ESRRG: variants seen among roughly 807,000 people sequenced by gnomAD.
ESRRG encodes estrogen related receptor gamma, also known as estrogen-related receptor gamma.
Under a neutral mutation model 44.0 loss-of-function variants are expected in ESRRG, and 13 were observed. The observed-to-expected ratio is 0.30, with a 90% CI of 0.19 to 0.47. The LOEUF (loss-of-function observed/expected upper bound fraction) is 0.47. ESRRG is among the 20% of genes least tolerant of loss of function. ESRRG has a pLI of 1.00. For synonymous variants in ESRRG, 215 were observed against 214.6 expected, an observed-to-expected ratio of 1.00 and a Z score of -0.02; for missense variants, 395 against 580.6, an observed-to-expected ratio of 0.68 and a Z score of 3.29.
intron 5 of ESRRG, among the ~76,000 whole-genome samples, chr1:216,529,237 GA>G (rs1301307487): frequency 6.6e-6 from 1 of 152,142 alleles, no homozygotes; most frequent in Non-Finnish European, 1.5e-5. Flanking sequence ...GGACTTTGAG[GA>G]AATGAAGCAG....
chr1:216,888,662 A>G (rs2057372689), intron 2 of ESRRG, among the ~76,000 whole-genome samples: 1 of 152,180 alleles, frequency 6.6e-6, no homozygotes, highest in Admixed American at 6.5e-5. Flanking sequence ...AATATTCTTT[A>G]TCTAGTTCCT....
intron 2 of ESRRG, among the ~76,000 whole-genome samples, chr1:216,666,477 G>C (rs1363702082): frequency 1.3e-5 from 2 of 152,196 alleles, no homozygotes; most frequent in South Asian, 2.1e-4. Flanking sequence ...TATTCTAGCA[G>C]GGTCTGAAGC....
intron 2 of ESRRG, among the ~76,000 whole-genome samples, chr1:216,757,783 T>C (rs2092543683): frequency 1.3e-5 from 2 of 151,814 alleles, no homozygotes; most frequent in Admixed American, 1.3e-4. Flanking sequence ...GCCACAGATA[T>C]CTGTACACAG....
chr1:216,813,743 C>A (rs2095047617), intron 2 of ESRRG, among the ~76,000 whole-genome samples: 1 of 152,142 alleles, frequency 6.6e-6, no homozygotes, highest in South Asian at 2.1e-4. Context: ...TAAGTGCCTG[C>A]ACACTATACA....
chr1:217,084,133 T>TA (rs34135419), intron 1 of ESRRG, among the ~76,000 whole-genome samples: 46,302 of 140,792 alleles, frequency 0.33, 8,444 homozygotes, highest in South Asian at 0.49. Context: ...AAGAATGGAT[T>TA]AAAAAAAAAA....
intron 2 of ESRRG, among the ~76,000 whole-genome samples, chr1:216,673,521 C>A (rs2075580068): frequency 1.3e-5 from 2 of 152,214 alleles, no homozygotes; most frequent in African/African-American, 2.4e-5. Context: ...GAAACTTGCT[C>A]TCTCCAATAC....
Position 217,122,259 on chromosome 1 carries a change from G to A in ESRRG, c.-230+15408C>T, listed in dbSNP as rs560520221. Among the ~76,000 whole-genome samples the A allele has an allele frequency of 6.0e-4, 91 of 152,250 alleles. 1 individual carries two copies. Among genetic ancestry groups the A allele is most frequent in the African/African-American group, 1.9e-3 (79 of 41,556 alleles). ...CCAACACTGGTCTGGTTCTCCAGAG[G>A]CCTAGGCTGACAAGGGAGCACTAAT... is the stretch of plus-strand genomic sequence containing the variant. On this transcript the variant is annotated intron_variant, in intron 1 of 8. Transcript: ENST00000366940.
intron 2 of ESRRG, among the ~76,000 whole-genome samples, chr1:216,806,380 C>T (rs574228457): frequency 3.9e-5 from 6 of 152,254 alleles, no homozygotes; most frequent in African/African-American, 7.2e-5. Flanking sequence ...ACTAGAGTCA[C>T]GGTCAACAGA....
chr1:216,528,858 C>T (rs760378666), intron 5 of ESRRG, among the ~76,000 whole-genome samples: 21 of 152,056 alleles, frequency 1.4e-4, no homozygotes, highest in Non-Finnish European at 2.6e-4. Context: ...CAGTTTAGAA[C>T]AATGGGTCCT....
intron 1 of ESRRG, chr1:217,089,357 T>C (rs2092284734): frequency 1.1e-5 from 1 of 94,934 alleles, no homozygotes; most frequent in African/African-American, 3.6e-5. Context: ...CAGGGAGGGG[T>C]TGCTTTTTTT....
At chr1:216,754,729 T>C (rs1169859240) in intron 2 of ESRRG, among the ~76,000 whole-genome samples, 1 of 150,898 alleles carries the variant, frequency 6.6e-6, no homozygotes, top group African/African-American at 2.4e-5. Flanking sequence ...TTTGCCACAT[T>C]TTAATCTAGT....
intron 1 of ESRRG, among the ~76,000 whole-genome samples, chr1:217,020,086 C>T (rs570366217): frequency 1.3e-5 from 2 of 152,256 alleles, no homozygotes; most frequent in East Asian, 3.9e-4. Flanking sequence ...AGAACACTCT[C>T]CCTTTCCTCC....
At chr1:216,772,047 G>A (rs566393490) in intron 2 of ESRRG, among the ~76,000 whole-genome samples, 3 of 151,678 alleles carry the variant, frequency 2.0e-5, no homozygotes, top group Non-Finnish European at 1.5e-5. Context: ...TCTATAAAGG[G>A]GGCAGCTTCA....
At chr1:216,765,224 G>T (rs1452609976) in intron 2 of ESRRG, among the ~76,000 whole-genome samples, 1 of 152,078 alleles carries the variant, frequency 6.6e-6, no homozygotes, top group South Asian at 2.1e-4. Flanking sequence ...AGGGCTGGAG[G>T]CAGGAAGGGA....
At position 217,035,319 on chromosome 1, in the gene ESRRG, C is replaced by CAAAAAAAAAAAAAAAAAAAA. The variant is rs397709457; in HGVS notation, c.-106+54168_-106+54187dup. On this transcript the variant is annotated intron_variant, in intron 1 of 7. Coordinates refer to the ESRRG transcript ENST00000359162. ...TGGGCAGCCTAGCGAGACTCTGTCTCAAAAAAAAAAAAAAAAAAAAAAGTG... is the reference window on the plus strand; with the variant it reads ...TGGGCAGCCTAGCGAGACTCTGTCTCAAAAAAAAAAAAAAAAAAAAAAAAAAAAAAAAAAAAAAAAAAGTG... 2.7e-5 allele frequency among the ~76,000 whole-genome samples: 2 copies of CAAAAAAAAAAAAAAAAAAAA among 75,178 alleles called. 1 individual carries two copies. Among genetic ancestry groups the CAAAAAAAAAAAAAAAAAAAA allele is most frequent in the Non-Finnish European group, 4.9e-5 (2 of 40,978 alleles). The allele number at this position is 75,178 out of a possible 152,430, so 49.3% of individuals were successfully genotyped here. A position where few individuals can be genotyped will look rare whatever the true frequency, so the allele number is the denominator to read the frequency against.
At chr1:217,049,375 G>T (rs950033584) in intron 1 of ESRRG, among the ~76,000 whole-genome samples, 8 of 152,126 alleles carry the variant, frequency 5.3e-5, no homozygotes, top group African/African-American at 1.7e-4. Context: ...TCACTGAATT[G>T]CTATCTGCAA....
intron 3 of ESRRG, among the ~76,000 whole-genome samples, chr1:216,630,628 A>T (rs527587309): frequency 6.6e-6 from 1 of 152,290 alleles, no homozygotes; most frequent in South Asian, 2.1e-4. Flanking sequence ...TAATAAAAAG[A>T]ATTAATGCAG....
intron 2 of ESRRG, among the ~76,000 whole-genome samples, chr1:216,881,012 A>G (rs1246349968): frequency 2.6e-5 from 4 of 152,194 alleles, no homozygotes; most frequent in African/African-American, 9.6e-5. Context: ...GCAGTCAGCC[A>G]CGGGGAAAAT....
At chr1:216,978,180 T>A (rs1320690841) in intron 1 of ESRRG, among the ~76,000 whole-genome samples, 6 of 152,184 alleles carry the variant, frequency 3.9e-5, no homozygotes, top group Non-Finnish European at 7.4e-5. Flanking sequence ...AAATGACTTC[T>A]GGTGGGCCAA....
Sources: allele counts gnomAD v4.1 joint callset (sites outside exome capture counted in the v4.1 genomes callset), GRCh38; gene constraint gnomAD v4.1.1; transcripts MANE v1.5; gene names NCBI Gene and HGNC (gene_info 2026-07-23, HGNC 2026-07-21).